The following DLC1 variants were observed in gnomAD, a reference collection of about 807,000 sequenced individuals.
DLC1 encodes rho GTPase-activating protein 7.
DLC1 carries 54 observed loss-of-function variants against 140.3 expected under a neutral mutation model. That is an observed-to-expected ratio of 0.38 (90% CI 0.31 to 0.48). DLC1 has a LOEUF of 0.48. DLC1 is among the 20% of genes least tolerant of loss of function. DLC1 has a pLI of 0.96. For missense variants in DLC1, 2,536 were observed against 1,907.0 expected, an observed-to-expected ratio of 1.33 and a Z score of -6.14; for synonymous variants, 986 against 728.1, an observed-to-expected ratio of 1.35 and a Z score of -5.70.
At chr8:13,258,264 C>G (rs1281266708) in intron 5 of DLC1, among the ~76,000 whole-genome samples, 1 of 152,254 alleles carries the variant, frequency 6.6e-6, no homozygotes. Context: ...TGTAAATCCT[C>G]GACTTCACTA....
intron 2 of DLC1, among the ~76,000 whole-genome samples, chr8:13,454,674 C>T (rs1355779179): frequency 6.6e-6 from 1 of 152,176 alleles, no homozygotes; most frequent in Admixed American, 6.5e-5. Flanking sequence ...CCTGCCTCAG[C>T]TGGCCAAGTA....
At chr8:13,318,208 T>A in intron 4 of DLC1, among the ~76,000 whole-genome samples, 1 of 151,694 alleles carries the variant, frequency 6.6e-6, no homozygotes, top group Non-Finnish European at 1.5e-5. Flanking sequence ...TTTTTTTTTT[T>A]TTTTTTTCAG....
upstream of DLC1, among the ~76,000 whole-genome samples, chr8:13,517,697 CTG>C (rs1802635161): frequency 6.6e-6 from 1 of 152,202 alleles, no homozygotes; most frequent in Admixed American, 6.5e-5. Flanking sequence ...GACTGTTACT[CTG>C]TACTGGATCA....
chr8:13,357,941 C>T (rs942888917), intron 4 of DLC1, among the ~76,000 whole-genome samples: 5 of 151,988 alleles, frequency 3.3e-5, no homozygotes, highest in Non-Finnish European at 7.4e-5. Context: ...TACAGATTTT[C>T]AAAAATGCCT....
At chr8:13,537,814 C>T (rs1409016912) in intron 1 of DLC1, among the ~76,000 whole-genome samples, 4 of 151,842 alleles carry the variant, frequency 2.6e-5, no homozygotes, top group African/African-American at 7.3e-5. Flanking sequence ...CCACCATGCC[C>T]GCCTAATTTT....
At chr8:13,437,061 A>G (rs1181262990) in intron 2 of DLC1, among the ~76,000 whole-genome samples, 2 of 152,208 alleles carry the variant, frequency 1.3e-5, no homozygotes, top group Non-Finnish European at 2.9e-5. Context: ...TAGTTTCTAA[A>G]ATCTGATGGC....
At chr8:13,179,505 G>C (rs894073884) in intron 5 of DLC1, among the ~76,000 whole-genome samples, 4 of 152,126 alleles carry the variant, frequency 2.6e-5, no homozygotes, top group African/African-American at 9.7e-5. Context: ...CAGATTGCTT[G>C]AGCTCAGGAG....
At chr8:13,379,634 A>G (rs1836163842) in intron 4 of DLC1, among the ~76,000 whole-genome samples, 1 of 152,128 alleles carries the variant, frequency 6.6e-6, no homozygotes, top group East Asian at 1.9e-4. Context: ...GCTGAAATCC[A>G]TCCTTATTTT....
intron 1 of DLC1, among the ~76,000 whole-genome samples, chr8:13,592,358 G>A (rs568522243): frequency 5.9e-5 from 9 of 151,540 alleles, no homozygotes; most frequent in South Asian, 2.1e-4. Context: ...TGTTTGTTTC[G>A]TTTATATTTT....
At chr8:13,374,787 G>A (rs772288575) in intron 4 of DLC1, among the ~76,000 whole-genome samples, 10 of 152,120 alleles carry the variant, frequency 6.6e-5, no homozygotes, top group Non-Finnish European at 1.2e-4. Context: ...GTCTTGGGCA[G>A]TATGGCCATT....
chr8:13,103,049 G>A (rs986121724), intron 7 of DLC1, among the ~76,000 whole-genome samples, 196 bp from the exon 8 acceptor site: 2 of 152,170 alleles, frequency 1.3e-5, no homozygotes, highest in African/African-American at 2.4e-5. Flanking sequence ...GGTGGCTCAC[G>A]CCTGTAATCC....
intron 4 of DLC1, among the ~76,000 whole-genome samples, chr8:13,312,992 C>A (rs892532514): frequency 6.6e-6 from 1 of 152,134 alleles, no homozygotes; most frequent in South Asian, 2.1e-4. Context: ...TTTATCTCCC[C>A]TTCGATGTTA....
chr8:13,384,616 A>T (rs1017679962), intron 4 of DLC1, among the ~76,000 whole-genome samples: 1 of 152,318 alleles, frequency 6.6e-6, no homozygotes, highest in East Asian at 1.9e-4. Flanking sequence ...AATGTAAAAA[A>T]TAATGTCCAA....
chr8:13,436,109 C>A (rs1585104191), intron 2 of DLC1, among the ~76,000 whole-genome samples: 1 of 152,222 alleles, frequency 6.6e-6, no homozygotes, highest in Non-Finnish European at 1.5e-5. Context: ...TTTATATGCA[C>A]TGGGAAACCA....
intron 2 of DLC1, among the ~76,000 whole-genome samples, chr8:13,487,307 T>C (rs1801012069): frequency 6.6e-6 from 1 of 152,214 alleles, no homozygotes; most frequent in African/African-American, 2.4e-5. Context: ...ATTCCTGCCA[T>C]AGGTTTGGGC....
chr8:13,142,633 C>G (rs1163160560), intron 5 of DLC1, among the ~76,000 whole-genome samples: 3 of 151,950 alleles, frequency 2.0e-5, no homozygotes, highest in South Asian at 4.1e-4. Context: ...GTTTTTAATT[C>G]AAAAAAGACT....
chr8:13,212,727 C>T (rs556025474), intron 5 of DLC1, among the ~76,000 whole-genome samples: 5 of 152,104 alleles, frequency 3.3e-5, no homozygotes, highest in African/African-American at 1.2e-4. Context: ...TAGAATAGTT[C>T]CAAGAACTTC....
chr8:13,166,715 A>T (rs1825130352), intron 5 of DLC1, among the ~76,000 whole-genome samples: 1 of 151,606 alleles, frequency 6.6e-6, no homozygotes, highest in Admixed American at 6.6e-5. Context: ...AACTTATTTA[A>T]ACTGCTGAAT....
At chr8:13,281,000 A>C (rs1243873368) in intron 5 of DLC1, among the ~76,000 whole-genome samples, 6 of 152,296 alleles carry the variant, frequency 3.9e-5, no homozygotes, top group Non-Finnish European at 1.5e-5. Context: ...ACTCCACAGA[A>C]GATCTTCTCC....
Sources: allele counts gnomAD v4.1 joint callset (sites outside exome capture counted in the v4.1 genomes callset), GRCh38; gene constraint gnomAD v4.1.1; transcripts MANE v1.5; gene names NCBI Gene and HGNC (gene_info 2026-07-23, HGNC 2026-07-21).